HYDIN: variants seen among roughly 807,000 people sequenced by gnomAD.
The protein encoded by HYDIN is HYDIN axonemal central pair apparatus protein.
A neutral mutation model predicts 403.9 loss-of-function variants in HYDIN; 132 were observed. The ratio of observed to expected loss-of-function variants is 0.33; its 90% CI spans 0.28 to 0.38. HYDIN has a LOEUF of 0.38. HYDIN is among the 10% of genes least tolerant of loss of function. The pLI is 1.00. For synonymous variants in HYDIN, 1,202 were observed against 1,891.7 expected (o/e 0.64, Z 9.46); for missense variants, 2,827 against 5,009.5 (o/e 0.56, Z 13.15).
chr16:70,911,822 A>T (rs1327461699), intron 47 of HYDIN, among the ~76,000 whole-genome samples: 1 of 148,176 alleles, frequency 6.7e-6, no homozygotes, highest in Non-Finnish European at 1.5e-5. Context: ...GAGGTCTTTC[A>T]CCTCCTTGGT....
intron 85 of HYDIN, 111 bp downstream of exon 85, chr16:70,809,671 GC>G: frequency 1.2e-6 from 1 of 855,586 alleles, no homozygotes; most frequent in Non-Finnish European, 1.9e-6. Context: ...TGACAACGAA[GC>G]ACCTGAGTCT....
chr16:70,822,344 T>C (rs1161392490), intron 83 of HYDIN, among the ~76,000 whole-genome samples: 1 of 152,040 alleles, frequency 6.6e-6, no homozygotes, highest in Non-Finnish European at 1.5e-5. Flanking sequence ...CTTGAAGATA[T>C]GACTGAATTG....
At chr16:70,875,382 C>T (rs2487964) in intron 62 of HYDIN, among the ~76,000 whole-genome samples, 59,662 of 151,822 alleles carry the variant, frequency 0.39, 14,352 homozygotes, top group Non-Finnish European at 0.53. Flanking sequence ...CATCCTACCA[C>T]GATAAGAGAA....
In HYDIN at chr16:71,069,450, C is replaced by A. The variant is rs770819878; in HGVS notation, c.1791G>T (p.Met597Ile). 57 of 1,613,832 alleles carry A rather than the reference C, an allele frequency of 3.5e-5. No homozygotes were observed. Among genetic ancestry groups the A allele is most frequent in the Non-Finnish European group, 4.7e-5 (55 of 1,179,850 alleles). Residue 597 changes from methionine to isoleucine, a missense_variant, in exon 14 of 86, where the codon ATG (methionine) becomes ATT (isoleucine). Coordinates refer to ENST00000393567, the MANE Select transcript of HYDIN (RefSeq NM_001270974.2). ...CCCCAGGGATACGCAGTTTGTAAGT[C>A]ATGGGGATCAAAGAGGTATTATTGA... ...CSLNNTSLIP[M>I]TYKLRIPGDG...
intron 45 of HYDIN, among the ~76,000 whole-genome samples, chr16:70,926,468 G>C (rs1461784285): frequency 6.6e-6 from 1 of 152,046 alleles, no homozygotes; most frequent in South Asian, 2.1e-4. Flanking sequence ...TTGTGGGGTG[G>C]GGGGAGAGGG....
Position 70,857,843 on chromosome 16 carries a change from G to A in HYDIN, c.12157C>T (p.Leu4053=). The part of the protein sequence containing the change: ...EIVFQFTPFH[L]GITESSWTFL... Reference sequence around the variant, plus strand: ...GTCCATGATGACTCAGTGATGCCCAGATGGAAAGGTGTGAACTGGAACACG... The same window carrying A: ...GTCCATGATGACTCAGTGATGCCCAAATGGAAAGGTGTGAACTGGAACACG... The change falls in exon 72 of 86, where the codon CTG becomes TTG. Residue 4053 remains leucine, a synonymous_variant. Coordinates refer to ENST00000393567, the MANE Select transcript of HYDIN (RefSeq NM_001270974.2). The A allele has an allele frequency of 1.9e-6, 3 of 1,613,156 alleles. No homozygotes were observed. The highest frequency in any genetic ancestry group is 2.5e-6 in the Non-Finnish European group (3 of 1,179,750).
chr16:71,041,733 GA>G, intron 18 of HYDIN, among the ~76,000 whole-genome samples: 1 of 151,982 alleles, frequency 6.6e-6, no homozygotes, highest in African/African-American at 2.4e-5. Context: ...GATGACAAGT[GA>G]TTTTTTTTGT....
At chr16:70,968,933 T>G (rs1200679736) in intron 36 of HYDIN, among the ~76,000 whole-genome samples, 1 of 151,844 alleles carries the variant, frequency 6.6e-6, no homozygotes, top group African/African-American at 2.4e-5. Context: ...AAGAAAGTCT[T>G]AGCAAAGAAA....
At position 70,974,794 on chromosome 16, in the gene HYDIN, C is replaced by A. The variant is rs1205664112; in HGVS notation, c.4773-124G>T. 6.1e-5 allele frequency: 43 copies of A among 705,432 alleles called. No individual in the cohort carries two copies. The South Asian group carries it at 8.0e-4, about 13-fold the overall frequency. 43.7% of individuals were successfully genotyped at this position (705,432 alleles called of 1,614,324 possible). ...CAGTTTTATTCTCCAGAGTGGAGAA[C>A]AACAAATGGCTACCCAAATGGAGAC... is the stretch of plus-strand genomic sequence containing the variant. On this transcript the variant is annotated intron_variant, in intron 31 of 85. Transcript: ENST00000393567.
At chr16:71,125,379 A>G (rs559995124) in intron 9 of HYDIN, among the ~76,000 whole-genome samples, 1 of 152,224 alleles carries the variant, frequency 6.6e-6, no homozygotes, top group Non-Finnish European at 1.5e-5. Context: ...GTCATCATTT[A>G]TTGATTTAAA....
chr16:71,041,796 G>T (rs1408652895), intron 18 of HYDIN, among the ~76,000 whole-genome samples: 1 of 151,026 alleles, frequency 6.6e-6, no homozygotes, highest in Non-Finnish European at 1.5e-5. Context: ...GTGTAACAAG[G>T]AGACACACAT....
rs1597759721 is a variant in HYDIN, at chr16:71,093,853, A to G, written c.1410T>C (p.Ile470=). Reference sequence around the variant, plus strand: ...GTGCAGATCCAGTGAAAACTTTCCCAATATCCAGCAATTCAAAGTTGAAGT... The same window carrying G: ...GTGCAGATCCAGTGAAAACTTTCCCGATATCCAGCAATTCAAAGTTGAAGT... ...KIHFNFELLD[I]GKVFTGSAHC... Residue 470 remains isoleucine, a synonymous_variant, in exon 11 of 86, where the codon ATT becomes ATC. Coordinates refer to ENST00000393567, the MANE Select transcript of HYDIN (RefSeq NM_001270974.2). 4 of 1,613,690 alleles carry G rather than the reference A, an allele frequency of 2.5e-6. No homozygotes were observed. Among genetic ancestry groups the G allele is most frequent in the African/African-American group, 1.3e-5 (1 of 75,032 alleles).
chr16:70,943,844 G>C lies in HYDIN; in HGVS notation c.6637C>G (p.Leu2213Val). The change falls in exon 42 of 86, where the codon CTT becomes GTT. Residue 2213 changes from leucine to valine, a missense_variant. By Grantham distance (32) the Leu-to-Val change is conservative. Coordinates refer to ENST00000393567, the MANE Select transcript of HYDIN (RefSeq NM_001270974.2). ...GLMSCVLPDE[L>V]LVQILAERIQ... ...CGCTCTGCCAGGATCTGCACGAGAA[G>C]TTCATCCGGGAGCACACAGCTCATC... 3 of 1,613,510 alleles carry C rather than the reference G, an allele frequency of 1.9e-6. No individual in the cohort carries two copies. Among genetic ancestry groups the C allele is most frequent in the Non-Finnish European group, 2.5e-6 (3 of 1,180,032 alleles).
chr16:70,910,729 G>A (rs186385200), intron 47 of HYDIN, among the ~76,000 whole-genome samples: 72 of 121,636 alleles, frequency 5.9e-4, no homozygotes, highest in Non-Finnish European at 8.5e-4. Flanking sequence ...GGTGTTTCTT[G>A]ATGCACCGCA....
At chr16:71,208,815 G>GATAC (rs2088431231) in intron 1 of HYDIN, among the ~76,000 whole-genome samples, 1 of 152,094 alleles carries the variant, frequency 6.6e-6, no homozygotes, top group Non-Finnish European at 1.5e-5. Flanking sequence ...TAAATTTCTG[G>GATAC]ATACATACAT....
At chr16:71,180,870 G>T (rs891623410) in intron 3 of HYDIN, among the ~76,000 whole-genome samples, 3 of 151,906 alleles carry the variant, frequency 2.0e-5, no homozygotes, top group East Asian at 1.9e-4. Flanking sequence ...ATTTATCAAG[G>T]TCATTGAGTA....
intron 66 of HYDIN, 137 bp downstream of exon 66, chr16:70,868,433 C>T: frequency 7.3e-7 from 1 of 1,371,788 alleles, no homozygotes; most frequent in Non-Finnish European, 9.6e-7. Flanking sequence ...TTTAGTTTGT[C>T]ACTTTTGGAG....
chr16:71,067,038 C>A, intron 15 of HYDIN: 1 of 644,866 alleles, frequency 1.6e-6, no homozygotes, highest in Non-Finnish European at 2.8e-6. Context: ...GAGGGTCTGA[C>A]CCGTTTTTTC....
At chr16:71,033,353 T>C (rs920046265) in intron 18 of HYDIN, among the ~76,000 whole-genome samples, 2 of 152,230 alleles carry the variant, frequency 1.3e-5, no homozygotes, top group Non-Finnish European at 2.9e-5. Context: ...CCTAATTATA[T>C]TGTACTATAT....
Sources: gnomAD v4.1 joint callset for allele counts (sites outside exome capture counted in the v4.1 genomes callset) on GRCh38, gnomAD v4.1.1 for gene constraint, MANE v1.5 for transcripts, NCBI Gene and HGNC (gene_info 2026-07-23, HGNC 2026-07-21) for gene names.